NKAIN2: variants seen among roughly 807,000 people sequenced by gnomAD.
NKAIN2 encodes sodium/potassium-transporting ATPase subunit beta-1-interacting protein 2.
NKAIN2 carries 14 observed loss-of-function variants against 32.6 expected under a neutral mutation model. That is an observed-to-expected ratio of 0.43 (90% CI 0.28 to 0.67). The LOEUF (loss-of-function observed/expected upper bound fraction) is 0.67. Ranked by LOEUF, NKAIN2 falls within the 30% of genes least tolerant of loss-of-function variation. NKAIN2 has a pLI of 0.17. For synonymous variants in NKAIN2, 80 were observed against 87.2 expected (o/e 0.92, Z 0.46); for missense variants, 198 against 258.3 (o/e 0.77, Z 1.60).
intron 3 of NKAIN2, among the ~76,000 whole-genome samples, chr6:124,619,203 G>GA (rs982249144): frequency 6.6e-6 from 1 of 152,060 alleles, no homozygotes; most frequent in African/African-American, 2.4e-5. Flanking sequence ...ATTTCAGGGG[G>GA]AAAAAATGCA....
intron 1 of NKAIN2, among the ~76,000 whole-genome samples, chr6:124,059,819 C>G (rs1358142196): frequency 6.6e-6 from 1 of 151,978 alleles, no homozygotes; most frequent in African/African-American, 2.4e-5. Flanking sequence ...TTGTTTTTTT[C>G]CTCCCATTTT....
intron 1 of NKAIN2, among the ~76,000 whole-genome samples, chr6:124,132,825 C>T (rs1786544509): frequency 6.6e-6 from 1 of 152,174 alleles, no homozygotes. Flanking sequence ...GCCTGGTAGC[C>T]CCACTGGGTG....
intron 1 of NKAIN2, among the ~76,000 whole-genome samples, chr6:123,981,991 G>A (rs1429926655): frequency 2.0e-5 from 3 of 152,208 alleles, no homozygotes; most frequent in African/African-American, 7.2e-5. Context: ...CCAGGGTTAA[G>A]TTAAAACTAT....
chr6:124,680,395 T>C (rs537392678), intron 4 of NKAIN2, among the ~76,000 whole-genome samples: 1 of 152,112 alleles, frequency 6.6e-6, no homozygotes, highest in African/African-American at 2.4e-5. Context: ...TAGCTTCTCA[T>C]GAACTCATTC....
chr6:124,341,034 A>T (rs1798090247), intron 2 of NKAIN2, among the ~76,000 whole-genome samples: 1 of 152,160 alleles, frequency 6.6e-6, no homozygotes, highest in African/African-American at 2.4e-5. Flanking sequence ...AGTCATGTTT[A>T]TATGTTCATT....
chr6:124,768,881 T>A lies in NKAIN2; in HGVS notation c.475-22458T>A, dbSNP rs181150583. Among the ~76,000 whole-genome samples, 41 of 152,324 alleles carry A rather than the reference T, an allele frequency of 2.7e-4. 1 individual carries two copies. The East Asian group carries it at 7.3e-3, about 27-fold the overall frequency. On this transcript the variant is annotated intron_variant, in intron 4 of 6. Transcript: ENST00000368417. ...CATAAATATTGATGCAAACACCATT[T>A]AAAAACCCATTTTATAGTGTCACAT...
intron 3 of NKAIN2, among the ~76,000 whole-genome samples, chr6:124,508,935 T>C (rs1778603142): frequency 6.6e-6 from 1 of 152,204 alleles, no homozygotes; most frequent in Non-Finnish European, 1.5e-5. Context: ...ACCAGTCATA[T>C]TGGATTAAGG....
At chr6:124,375,422 A>G (rs1290331745) in intron 3 of NKAIN2, among the ~76,000 whole-genome samples, 1 of 147,762 alleles carries the variant, frequency 6.8e-6, no homozygotes, top group Non-Finnish European at 1.5e-5. Flanking sequence ...ATGTATATAA[A>G]TTACATATAT....
chr6:124,771,986 T>A (rs1306388850), intron 4 of NKAIN2, among the ~76,000 whole-genome samples: 1 of 152,086 alleles, frequency 6.6e-6, no homozygotes, highest in Admixed American at 6.6e-5. Context: ...GCAATAGAAA[T>A]ATAATGGGTG....
intron 2 of NKAIN2, among the ~76,000 whole-genome samples, chr6:124,323,316 C>T (rs945506184): frequency 6.6e-6 from 1 of 152,066 alleles, no homozygotes; most frequent in Admixed American, 6.6e-5. Flanking sequence ...TTATGAATTA[C>T]GTTTTTGGTG....
chr6:124,269,492 A>T, intron 1 of NKAIN2, among the ~76,000 whole-genome samples: 3 of 125,210 alleles, frequency 2.4e-5, no homozygotes, highest in East Asian at 2.3e-4. Flanking sequence ...CTGGAGACAT[A>T]GTTTCACTCT....
intron 1 of NKAIN2, among the ~76,000 whole-genome samples, chr6:123,880,143 A>G (rs527378657): frequency 1.3e-5 from 2 of 152,304 alleles, no homozygotes; most frequent in African/African-American, 4.8e-5. Flanking sequence ...ATTTTGCAGT[A>G]TATGTAAGGG....
chr6:124,539,882 A>T (rs1779849018), intron 3 of NKAIN2, among the ~76,000 whole-genome samples: 1 of 151,942 alleles, frequency 6.6e-6, no homozygotes, highest in African/African-American at 2.4e-5. Context: ...CGCTATGCCC[A>T]GCTAATTTTT....
At chr6:124,363,026 G>A (rs978317738) in intron 3 of NKAIN2, among the ~76,000 whole-genome samples, 1 of 151,912 alleles carries the variant, frequency 6.6e-6, no homozygotes. Flanking sequence ...GTAGAGATGG[G>A]GTTTTGCAAT....
chr6:124,293,762 A>C (rs1182380494), intron 2 of NKAIN2, among the ~76,000 whole-genome samples: 1 of 152,048 alleles, frequency 6.6e-6, no homozygotes, highest in South Asian at 2.1e-4. Context: ...TTTTTTCTGC[A>C]TACCCTTTTT....
intron 3 of NKAIN2, among the ~76,000 whole-genome samples, chr6:124,533,108 C>G (rs889571161): frequency 1.6e-4 from 24 of 152,172 alleles, no homozygotes; most frequent in African/African-American, 5.5e-4. Flanking sequence ...CTAGCTTTCT[C>G]TTGGAGAAAC....
At chr6:124,428,328 G>T (rs1775070104) in intron 3 of NKAIN2, among the ~76,000 whole-genome samples, 1 of 151,916 alleles carries the variant, frequency 6.6e-6, no homozygotes, top group South Asian at 2.1e-4. Context: ...CCAGATTGCT[G>T]GAAATAACTA....
intron 1 of NKAIN2, among the ~76,000 whole-genome samples, chr6:123,807,452 T>A (rs112982802): frequency 6.6e-6 from 1 of 152,100 alleles, no homozygotes; most frequent in African/African-American, 2.4e-5. Context: ...ACTGAAGATT[T>A]CAGATAGTAA....
intron 1 of NKAIN2, among the ~76,000 whole-genome samples, chr6:124,124,005 C>T (rs1461027010): frequency 1.2e-5 from 1 of 85,126 alleles, no homozygotes; most frequent in African/African-American, 5.4e-5. Flanking sequence ...TGATCACAGT[C>T]TTCCATGTGC....
Sources: allele counts gnomAD v4.1 joint callset (sites outside exome capture counted in the v4.1 genomes callset), GRCh38; gene constraint gnomAD v4.1.1; transcripts MANE v1.5; gene names NCBI Gene and HGNC (gene_info 2026-07-23, HGNC 2026-07-21).